Variants in NUP98 observed in about 807,000 individuals in gnomAD.
NUP98 encodes nucleoporin 98 and 96 precursor, also known as nuclear pore complex protein Nup98-Nup96.
NUP98 carries 26 observed loss-of-function variants against 191.9 expected under a neutral mutation model. That is an observed-to-expected ratio of 0.14 (90% confidence interval 0.10 to 0.19). NUP98 has a LOEUF of 0.19. Ranked by LOEUF, NUP98 falls within the 10% of genes least tolerant of loss-of-function variation. The probability of loss-of-function intolerance (pLI) is 1.00; values close to 1 mark genes in which losing one functional copy is unlikely to be tolerated. For missense variants in NUP98, 1,941 were observed against 2,178.8 expected (o/e 0.89, Z 2.17); for synonymous variants, 808 against 778.4 (o/e 1.04, Z -0.63).
chr11:3,735,972 G>A (rs2080040068), intron 12 of NUP98, among the ~76,000 whole-genome samples: 1 of 151,682 alleles, frequency 6.6e-6, no homozygotes, highest in African/African-American at 2.4e-5. Flanking sequence ...GCATGATCTT[G>A]GCTTGCTGCA....
chr11:3,792,674 T>C (rs2082396267), intron 1 of NUP98, among the ~76,000 whole-genome samples: 1 of 151,892 alleles, frequency 6.6e-6, no homozygotes, highest in Admixed American at 6.6e-5. Flanking sequence ...ACTCAGTAAA[T>C]CAATAATTTC....
intron 1 of NUP98, among the ~76,000 whole-genome samples, chr11:3,792,025 A>G (rs1009133561): frequency 1.3e-5 from 2 of 150,792 alleles, no homozygotes; most frequent in Non-Finnish European, 3.0e-5. Flanking sequence ...TAAAAATACA[A>G]AAAATTAGCC....
chr11:3,706,324 T>C, intron 21 of NUP98, 121 bp downstream of exon 21: 1 of 841,164 alleles, frequency 1.2e-6, no homozygotes. Context: ...TTGTATTTTT[T>C]TTCCCCATTA....
chr11:3,706,318 AT>A lies in NUP98; in HGVS notation c.2925+126del, dbSNP rs367770145. 1.1e-3 allele frequency: 927 copies of A among 807,474 alleles called. 3 individuals carry two copies. In the African/African-American group the frequency reaches 0.013, roughly 11 times the overall value. 50.0% of individuals were successfully genotyped at this position (807,474 alleles called of 1,614,324 possible). Reference sequence around the variant, plus strand: ...GCCCAGACATTGGCCATATTCTTGTATTTTTTTTCCCCATTACAGTGAGCAC... The same window carrying A: ...GCCCAGACATTGGCCATATTCTTGTATTTTTTTCCCCATTACAGTGAGCAC... On this transcript the variant is annotated intron_variant, in intron 21 of 32. Transcript: ENST00000324932.
At chr11:3,719,007 C>G (rs1333607659) in intron 18 of NUP98, among the ~76,000 whole-genome samples, 1 of 151,898 alleles carries the variant, frequency 6.6e-6, no homozygotes, top group African/African-American at 2.4e-5. Context: ...ACAATCCCAG[C>G]TACTTGGGAG....
intron 21 of NUP98, among the ~76,000 whole-genome samples, chr11:3,705,947 C>T (rs541451411): frequency 1.2e-3 from 175 of 145,116 alleles, no homozygotes; most frequent in Non-Finnish European, 1.9e-3. Context: ...GTCAGGAGTT[C>T]GAGACCAGAC....
intron 12 of NUP98, among the ~76,000 whole-genome samples, chr11:3,737,388 G>T (rs939664679): frequency 1.3e-5 from 2 of 151,548 alleles, no homozygotes; most frequent in South Asian, 4.2e-4. Flanking sequence ...CACTTTGGGA[G>T]GCCGAGGCAG....
intron 28 of NUP98, among the ~76,000 whole-genome samples, chr11:3,689,375 A>C (rs985350069): frequency 1.3e-5 from 2 of 151,890 alleles, no homozygotes; most frequent in Non-Finnish European, 2.9e-5. Flanking sequence ...AAATACAAAA[A>C]AATTAGCTGG....
rs61751338 is a variant in NUP98, at chr11:3,723,274, G to A, written c.2029C>T (p.Arg677Cys). Residue 677 changes from arginine (R) to cysteine (C), a missense_variant, in exon 16 of 33, where the codon CGT becomes TGT. Arg to Cys is a radical substitution (Grantham distance 180). This residue lies in a region of NUP98 where 453 missense variants were observed against 438.2 expected (regional missense o/e 1.03). Transcript: ENST00000324932. ...VDDTIVALNM[R>C]AALRNGLEGS... ...TCCAGCCCATTTCGCAAAGCAGCAC[G>A]CATGTTTAATGCAACAATGGTATCA... 2,737 of 1,614,056 alleles carry A rather than the reference G, an allele frequency of 1.7e-3. 64 individuals are homozygous for A. The Admixed American group carries it at 0.037, about 22-fold the overall frequency.
intron 10 of NUP98, 140 bp from the exon 11 acceptor site, chr11:3,753,548 A>AC: frequency 1.6e-6 from 1 of 606,742 alleles, no homozygotes; most frequent in Non-Finnish European, 2.9e-6. Context: ...TTGTAGGATA[A>AC]CTTAAAAAAA....
Position 3,725,253 on chromosome 11 carries a change from A to T in NUP98, c.1731-34T>A, listed in dbSNP as rs1206662761. Reference sequence around the variant, plus strand: ...AAGAAACCAAAAGAAGAAGAAAAAAATTACTCAGGCATACAGATATGTCCC... The same window carrying T: ...AAGAAACCAAAAGAAGAAGAAAAAATTTACTCAGGCATACAGATATGTCCC... On this transcript the variant is annotated intron_variant, in intron 14 of 32. Transcript: ENST00000324932. 6.9e-6 allele frequency: 7 copies of T among 1,014,184 alleles called. No individual in the cohort carries two copies. In the African/African-American group the frequency reaches 1.1e-4, roughly 16 times the overall value. The allele number at this position is 1,014,184 out of a possible 1,614,324, so 62.8% of individuals were successfully genotyped here.
At chr11:3,753,648 C>T (rs930488504) in intron 10 of NUP98, among the ~76,000 whole-genome samples, 1 of 150,706 alleles carries the variant, frequency 6.6e-6, no homozygotes, top group Non-Finnish European at 1.5e-5. Flanking sequence ...CGGTGGCTCA[C>T]GCCTGTAATC....
intron 12 of NUP98, among the ~76,000 whole-genome samples, chr11:3,738,456 T>G (rs1401865347): frequency 6.6e-6 from 1 of 152,118 alleles, no homozygotes; most frequent in Non-Finnish European, 1.5e-5. Context: ...TGATGATACT[T>G]TATCCAGAAG....
At chr11:3,701,427 A>C (rs765857961) in intron 23 of NUP98, among the ~76,000 whole-genome samples, 1 of 151,778 alleles carries the variant, frequency 6.6e-6, no homozygotes, top group South Asian at 2.1e-4. Context: ...ACCCTGGGCT[A>C]ATTTTTGTAA....
At chr11:3,769,797 C>T (rs975920950) in intron 7 of NUP98, among the ~76,000 whole-genome samples, 2 of 151,944 alleles carry the variant, frequency 1.3e-5, no homozygotes, top group African/African-American at 4.8e-5. Flanking sequence ...GTAATCCCAG[C>T]ACTTTGAGAG....
At chr11:3,756,715 C>A (rs2080970232) in intron 10 of NUP98, among the ~76,000 whole-genome samples, 1 of 152,128 alleles carries the variant, frequency 6.6e-6, no homozygotes. Flanking sequence ...AATCACCACA[C>A]TCGGCTTGTT....
intron 22 of NUP98, 40 bp downstream of exon 22, chr11:3,705,160 T>G: frequency 6.2e-7 from 1 of 1,601,736 alleles, no homozygotes; most frequent in Non-Finnish European, 8.6e-7. Context: ...ACTTGATGAC[T>G]GTACAGCTTT....
At chr11:3,774,456 G>C (rs796611749) in intron 5 of NUP98, among the ~76,000 whole-genome samples, 6 of 151,820 alleles carry the variant, frequency 4.0e-5, no homozygotes, top group African/African-American at 1.4e-4. Flanking sequence ...CAGGCGCAGT[G>C]GCTCACACCT....
At chr11:3,794,232 T>C (rs1256988982) in intron 1 of NUP98, among the ~76,000 whole-genome samples, 2 of 152,188 alleles carry the variant, frequency 1.3e-5, no homozygotes, top group Non-Finnish European at 2.9e-5. Context: ...CTGTGCCAAA[T>C]ACTTACGGTC....
Sources: gnomAD v4.1 joint callset for allele counts (sites outside exome capture counted in the v4.1 genomes callset) on GRCh38, gnomAD v4.1.1 for gene constraint, gnomAD v4.1.1 regional missense constraint, MANE v1.5 for transcripts, NCBI Gene and HGNC (gene_info 2026-07-23, HGNC 2026-07-21) for gene names.